Variants in WDR70 observed in about 807,000 individuals in gnomAD.
WDR70 encodes WD repeat-containing protein 70.
WDR70 carries 53 observed loss-of-function variants against 88.6 expected under a neutral mutation model. The observed-to-expected ratio is 0.60, with a 90% confidence interval of 0.48 to 0.75. The LOEUF (loss-of-function observed/expected upper bound fraction) is 0.75. Ranked by LOEUF, WDR70 falls within the 30% of genes least tolerant of loss-of-function variation. The pLI is 0.00. For missense variants in WDR70, 610 were observed against 823.2 expected, an observed-to-expected ratio of 0.74 and a Z score of 3.17; for synonymous variants, 280 against 270.0, an observed-to-expected ratio of 1.04 and a Z score of -0.36.
At chr5:37,677,618 A>G (rs1372528763) in intron 10 of WDR70, among the ~76,000 whole-genome samples, 9 of 152,078 alleles carry the variant, frequency 5.9e-5, no homozygotes, top group East Asian at 5.8e-4. Flanking sequence ...TATAATTTCT[A>G]TTCTTTTACA....
chr5:37,564,377 AC>A (rs918828710), intron 9 of WDR70, among the ~76,000 whole-genome samples: 61 of 152,202 alleles, frequency 4.0e-4, no homozygotes, highest in African/African-American at 1.4e-3. Flanking sequence ...AAATACGAAA[AC>A]CAGTCAGGTG....
intron 8 of WDR70, among the ~76,000 whole-genome samples, chr5:37,500,692 A>G (rs1439171239): frequency 4.7e-5 from 5 of 106,746 alleles, no homozygotes; most frequent in Admixed American, 4.0e-4. Flanking sequence ...AGTGATGTTG[A>G]GCATTTTATC....
At chr5:37,670,270 A>G (rs1745987565) in intron 10 of WDR70, among the ~76,000 whole-genome samples, 1 of 152,224 alleles carries the variant, frequency 6.6e-6, no homozygotes, top group Non-Finnish European at 1.5e-5. Context: ...CGATGCTAAG[A>G]AAGTTTTGGC....
chr5:37,389,910 C>T (rs988945362), intron 3 of WDR70, among the ~76,000 whole-genome samples: 1 of 152,070 alleles, frequency 6.6e-6, no homozygotes, highest in African/African-American at 2.4e-5. Flanking sequence ...CTATGTAATT[C>T]CTTGTTGATG....
intron 10 of WDR70, among the ~76,000 whole-genome samples, chr5:37,661,614 T>C (rs1745701745): frequency 6.6e-6 from 1 of 152,136 alleles, no homozygotes; most frequent in Non-Finnish European, 1.5e-5. Flanking sequence ...AAACATAAGA[T>C]AGATATAAGT....
At chr5:37,521,736 A>AT (rs1554146355) in intron 9 of WDR70, among the ~76,000 whole-genome samples, 1 of 139,220 alleles carries the variant, frequency 7.2e-6, no homozygotes, top group African/African-American at 2.7e-5. Flanking sequence ...ACACACACAC[A>AT]CACACCCACA....
chr5:37,437,352 A>C (rs1325788387), intron 5 of WDR70, among the ~76,000 whole-genome samples: 1 of 152,196 alleles, frequency 6.6e-6, no homozygotes, highest in Non-Finnish European at 1.5e-5. Flanking sequence ...TAAGTACTTA[A>C]CACTTTAAGG....
At chr5:37,690,756 T>C (rs1746767363) in intron 10 of WDR70, among the ~76,000 whole-genome samples, 1 of 152,150 alleles carries the variant, frequency 6.6e-6, no homozygotes, top group South Asian at 2.1e-4. Context: ...TGCAAAAACA[T>C]GCCAAATTGT....
intron 10 of WDR70, among the ~76,000 whole-genome samples, chr5:37,632,397 C>T (rs1429518628): frequency 6.6e-6 from 1 of 152,014 alleles, no homozygotes; most frequent in Non-Finnish European, 1.5e-5. Flanking sequence ...GGAAATATTC[C>T]AGAAGAAGGC....
intron 10 of WDR70, among the ~76,000 whole-genome samples, chr5:37,629,506 A>C (rs1177817997): frequency 3.3e-5 from 5 of 152,116 alleles, no homozygotes; most frequent in African/African-American, 9.7e-5. Flanking sequence ...GTTATTTCAA[A>C]AGATCTATCT....
intron 9 of WDR70, among the ~76,000 whole-genome samples, chr5:37,601,448 A>G (rs1292106916): frequency 7.9e-5 from 12 of 152,194 alleles, no homozygotes; most frequent in Admixed American, 7.2e-4. Context: ...TGATTCTTGC[A>G]TCTATGTTCA....
intron 10 of WDR70, among the ~76,000 whole-genome samples, chr5:37,649,733 C>CTTCTTTTTTTTTTTTT (rs1384336784): frequency 2.9e-5 from 2 of 68,738 alleles, no homozygotes; most frequent in African/African-American, 1.3e-4. Context: ...GTTATTACTT[C>CTTCTTTTTTTTTTTTT]TTTTTTTTTT....
chr5:37,683,493 C>G (rs775228745), intron 10 of WDR70, among the ~76,000 whole-genome samples: 6 of 152,138 alleles, frequency 3.9e-5, no homozygotes, highest in Non-Finnish European at 7.4e-5. Context: ...TCTTTCCTTT[C>G]CATATTTAGT....
chr5:37,574,007 T>C (rs1742985102), intron 9 of WDR70, among the ~76,000 whole-genome samples: 1 of 152,004 alleles, frequency 6.6e-6, no homozygotes, highest in South Asian at 2.1e-4. Context: ...GGGGAGGGGA[T>C]TGACCGTGAA....
At chr5:37,608,617 A>G (rs962174114) in intron 10 of WDR70, among the ~76,000 whole-genome samples, 11 of 151,428 alleles carry the variant, frequency 7.3e-5, no homozygotes, top group African/African-American at 2.7e-4. Context: ...GTGCAGTGGC[A>G]TGATTACAAC....
At chr5:37,387,296 G>A (rs1748651239) in intron 3 of WDR70, among the ~76,000 whole-genome samples, 1 of 152,142 alleles carries the variant, frequency 6.6e-6, no homozygotes, top group Non-Finnish European at 1.5e-5. Context: ...GATGTTGGGT[G>A]TAGTAGCTTA....
chr5:37,501,761 G>A (rs1740411461), intron 8 of WDR70, among the ~76,000 whole-genome samples: 3 of 151,980 alleles, frequency 2.0e-5, no homozygotes, highest in African/African-American at 7.2e-5. Context: ...TAAGTATTTG[G>A]CTTTATTCCT....
intron 3 of WDR70, among the ~76,000 whole-genome samples, chr5:37,389,386 G>A (rs970119435): frequency 4.0e-5 from 6 of 151,310 alleles, no homozygotes; most frequent in African/African-American, 1.5e-4. Flanking sequence ...GAACCATCAC[G>A]CCCGGCTTCA....
intron 10 of WDR70, among the ~76,000 whole-genome samples, chr5:37,639,116 G>C (rs563641850): frequency 9.9e-5 from 15 of 152,226 alleles, no homozygotes; most frequent in African/African-American, 3.6e-4. Flanking sequence ...ATGAACAGTA[G>C]CATCATTGTG....
Sources: gnomAD v4.1 joint callset for allele counts (sites outside exome capture counted in the v4.1 genomes callset) on GRCh38, gnomAD v4.1.1 for gene constraint, MANE v1.5 for transcripts, NCBI Gene and HGNC (gene_info 2026-07-23, HGNC 2026-07-21) for gene names.